Variants in DNAH9 observed in about 807,000 individuals in gnomAD.
DNAH9 encodes the protein dynein axonemal heavy chain 9.
A neutral mutation model predicts 471.6 loss-of-function variants in DNAH9; 345 were observed. The ratio of observed to expected loss-of-function variants is 0.73; its 90% CI spans 0.67 to 0.80. DNAH9 has a LOEUF of 0.80. Ranked by LOEUF, DNAH9 falls within the 30% of genes least tolerant of loss-of-function variation. The probability of loss-of-function intolerance (pLI) is 0.00; values close to 1 mark genes in which losing one functional copy is unlikely to be tolerated. For missense variants in DNAH9, 5,407 were observed against 5,609.2 expected (o/e 0.96, Z 1.15); for synonymous variants, 2,093 against 2,123.6 (o/e 0.99, Z 0.40).
intron 38 of DNAH9, among the ~76,000 whole-genome samples, chr17:11,778,766 G>C (rs973418488): frequency 2.6e-5 from 4 of 152,092 alleles, no homozygotes; most frequent in African/African-American, 9.7e-5. Flanking sequence ...CAGCACTTTG[G>C]GAGGCTGAGG....
At chr17:11,854,456 GC>G in intron 50 of DNAH9, 28 bp downstream of exon 50, 1 of 1,585,700 alleles carries the variant, frequency 6.3e-7, no homozygotes, top group Non-Finnish European at 8.6e-7. Context: ...CCCTCACCCT[GC>G]TAGTCCGCCT....
At position 11,694,869 on chromosome 17, in the gene DNAH9, C is replaced by CTTCCTTCTTTCT. The variant is rs1567726086; in HGVS notation, c.4872+425_4872+426insCTTCTTTCTTTC. On this transcript the variant is annotated intron_variant, in intron 22 of 68. Coordinates refer to ENST00000262442, the MANE Select transcript of DNAH9 (RefSeq NM_001372.4). ...CCTTCCTTCCTTCCTTCCTTCCTTC[C>CTTCCTTCTTTCT]TTCTTTCTTTCTTTCTTTCTTTCTT... Among the ~76,000 whole-genome samples the CTTCCTTCTTTCT allele has an allele frequency of 7.0e-3, 2 of 284 alleles. 1 individual carries two copies. Among genetic ancestry groups the CTTCCTTCTTTCT allele is most frequent in the African/African-American group, 0.011 (2 of 184 alleles). The allele number at this position is 284 out of a possible 152,430, so 0.2% of individuals were successfully genotyped here.
chr17:11,780,851 T>C lies in DNAH9; in HGVS notation c.7553-158T>C, dbSNP rs943900873. On this transcript the variant is annotated intron_variant, in intron 38 of 68. Transcript: ENST00000262442. Reference sequence around the variant, plus strand: ...ACTTTCTGGTCCTGTAGAATGCCTGTTGGGAGCAGCAGTAGCTGTTATTAT... The same window carrying C: ...ACTTTCTGGTCCTGTAGAATGCCTGCTGGGAGCAGCAGTAGCTGTTATTAT... 2.6e-5 allele frequency among the ~76,000 whole-genome samples: 4 copies of C among 152,216 alleles called. 1 individual carries two copies. Among genetic ancestry groups the C allele is most frequent in the Admixed American group, 2.6e-4 (4 of 15,294 alleles).
At chr17:11,876,396 C>T (rs1039786309) in intron 53 of DNAH9, among the ~76,000 whole-genome samples, 7 of 152,082 alleles carry the variant, frequency 4.6e-5, no homozygotes, top group African/African-American at 1.7e-4. Flanking sequence ...TAAATATATA[C>T]ACCCATGTAC....
chr17:11,762,796 T>TTTTTTTTTTC (rs1555584732), intron 35 of DNAH9, among the ~76,000 whole-genome samples: 15 of 144,582 alleles, frequency 1.0e-4, no homozygotes, highest in Non-Finnish European at 1.7e-4. Context: ...TTTTTTTTTT[T>TTTTTTTTTTC]TGAGATGGAG....
intron 68 of DNAH9, among the ~76,000 whole-genome samples, chr17:11,966,953 T>C (rs1038544206): frequency 2.9e-4 from 42 of 144,018 alleles, no homozygotes; most frequent in Non-Finnish European, 5.2e-4. Context: ...GAGAATTGCT[T>C]GAACCCAGGA....
At chr17:11,807,132 A>G (rs1172128408) in intron 43 of DNAH9, among the ~76,000 whole-genome samples, 1 of 152,096 alleles carries the variant, frequency 6.6e-6, no homozygotes, top group Non-Finnish European at 1.5e-5. Context: ...TGTCTTACCT[A>G]TTGATAATAA....
Position 11,669,669 on chromosome 17 carries a change from AC to A in DNAH9, c.3231del (p.Ile1078SerfsTer8). 6.2e-7 allele frequency: 1 copy of A among 1,614,152 alleles called. No homozygotes were observed. Among genetic ancestry groups the A allele is most frequent in the African/African-American group, 1.3e-5 (1 of 75,022 alleles). ...TLYEEVCRLE[P>X]IKVFDGWMKI... is the part of the protein sequence containing the mutation. Reference sequence around the variant, plus strand: ...TCTATGAAGAGGTGTGCAGGCTGGAACCCATCAAGGTGTTTGACGGCTGGAT... The same window carrying A: ...TCTATGAAGAGGTGTGCAGGCTGGAACCATCAAGGTGTTTGACGGCTGGAT... On this transcript the variant is annotated frameshift_variant, in exon 17 of 69. Transcript: ENST00000262442. LOFTEE classifies it high-confidence loss of function.
intron 4 of DNAH9, chr17:11,612,877 T>C (rs1367597000): frequency 6.6e-6 from 1 of 152,212 alleles, no homozygotes; most frequent in Non-Finnish European, 1.5e-5. Flanking sequence ...CAATCTCCCA[T>C]GTAAGCCCAC....
At chr17:11,646,288 G>A (rs1338243631) in intron 11 of DNAH9, among the ~76,000 whole-genome samples, 1 of 151,980 alleles carries the variant, frequency 6.6e-6, no homozygotes, top group Non-Finnish European at 1.5e-5. Flanking sequence ...TGAAGTGCTG[G>A]GATTACAGCT....
At chr17:11,851,896 T>C (rs1294101739) in intron 49 of DNAH9, among the ~76,000 whole-genome samples, 3 of 152,190 alleles carry the variant, frequency 2.0e-5, no homozygotes, top group Non-Finnish European at 1.5e-5. Flanking sequence ...GACCGTGATA[T>C]ATCTGGGTTA....
intron 8 of DNAH9, 73 bp from the exon 9 acceptor site, chr17:11,636,561 C>A: frequency 1.6e-6 from 2 of 1,258,702 alleles, no homozygotes; most frequent in Non-Finnish European, 2.3e-6. Flanking sequence ...AAAACCAGAA[C>A]ACTGGATTTG....
chr17:11,944,751 C>T (rs1012625928), intron 67 of DNAH9, among the ~76,000 whole-genome samples: 3 of 152,172 alleles, frequency 2.0e-5, no homozygotes, highest in African/African-American at 4.8e-5. Flanking sequence ...CCCATCTCCA[C>T]GCTCCAGTCC....
intron 35 of DNAH9, among the ~76,000 whole-genome samples, chr17:11,762,774 T>TGTTTGTTTGTTG (rs1250425512): frequency 1.0e-5 from 1 of 95,522 alleles, no homozygotes; most frequent in Non-Finnish European, 2.3e-5. Flanking sequence ...TTTTTTGTTT[T>TGTTTGTTTGTTG]TTTTTTTTTT....
In DNAH9 at chr17:11,969,700, C is replaced by G. The variant is rs892132242; in HGVS notation, c.*173C>G. The G allele has an allele frequency of 4.9e-6, 3 of 607,454 alleles. No homozygotes were observed. Among genetic ancestry groups the G allele is most frequent in the Non-Finnish European group, 8.6e-6 (3 of 349,658 alleles). The allele number at this position is 607,454 out of a possible 1,614,324, so 37.6% of individuals were successfully genotyped here. ...GAGGTGTGCCTAAGGTGAGGCTGAG[C>G]TGAAGGAATGTGGGCCCAGGTTTCT... On this transcript the variant is annotated 3_prime_UTR_variant, in exon 69 of 69. Transcript: ENST00000262442.
chr17:11,664,272 GGAGAGAGA>G (rs529645630), intron 14 of DNAH9, among the ~76,000 whole-genome samples: 35 of 150,364 alleles, frequency 2.3e-4, no homozygotes, highest in Non-Finnish European at 4.4e-4. Context: ...AGGAAGGAGG[GGAGAGAGA>G]GAGAGAGAGT....
At chr17:11,799,059 C>T (rs981125473) in intron 43 of DNAH9, among the ~76,000 whole-genome samples, 3 of 152,104 alleles carry the variant, frequency 2.0e-5, no homozygotes, top group Non-Finnish European at 4.4e-5. Context: ...ACCCATGTCT[C>T]GACTCACTCT....
At chr17:11,652,674 A>G in intron 13 of DNAH9, 87 bp from the exon 14 acceptor site, 1 of 1,266,964 alleles carries the variant, frequency 7.9e-7, no homozygotes, top group Middle Eastern at 2.7e-4. Context: ...ACTCGCAAGT[A>G]TTAAATCCCT....
At chr17:11,731,227 G>T (rs922547840) in intron 28 of DNAH9, among the ~76,000 whole-genome samples, 1 of 151,492 alleles carries the variant, frequency 6.6e-6, no homozygotes, top group Non-Finnish European at 1.5e-5. Context: ...GATGGTGGTG[G>T]CAATGATGGT....
Sources: gnomAD v4.1 joint callset for allele counts (sites outside exome capture counted in the v4.1 genomes callset) on GRCh38, gnomAD v4.1.1 for gene constraint, MANE v1.5 for transcripts, NCBI Gene and HGNC (gene_info 2026-07-23, HGNC 2026-07-21) for gene names.